Variants in ATG7 observed in about 807,000 individuals in gnomAD.
ATG7 encodes the protein ubiquitin-like modifier-activating enzyme ATG7.
ATG7 carries 70 observed loss-of-function variants against 82.4 expected under a neutral mutation model. The ratio of observed to expected loss-of-function variants is 0.85; its 90% CI spans 0.70 to 1.04. ATG7 has a LOEUF of 1.04. ATG7 is among the 50% of genes least tolerant of loss of function. ATG7 has a pLI of 0.00. For missense variants in ATG7, 792 were observed against 864.3 expected (o/e 0.92, Z 1.05); for synonymous variants, 287 against 313.0 (o/e 0.92, Z 0.88).
chr3:11,564,542 C>T, the ATG7 span, among the ~76,000 whole-genome samples: 1 of 152,204 alleles, frequency 6.6e-6, no homozygotes, highest in Non-Finnish European at 1.5e-5. Context: ...ATTCACCTTG[C>T]CCAAGGCCGT....
At chr3:11,485,895 A>G (rs183502625) in intron 20 of ATG7, among the ~76,000 whole-genome samples, 78,698 of 151,054 alleles carry the variant, frequency 0.52, 21,379 homozygotes, top group East Asian at 0.66. Context: ...TGTTCCATTG[A>G]TCTATATCTC....
chr3:11,319,347 C>T (rs1949890939), intron 9 of ATG7, among the ~76,000 whole-genome samples: 1 of 151,760 alleles, frequency 6.6e-6, no homozygotes, highest in Non-Finnish European at 1.5e-5. Flanking sequence ...AAATCCTGCA[C>T]TTGTGTTCTG....
chr3:11,410,909 C>G (rs1296940762), intron 19 of ATG7, among the ~76,000 whole-genome samples: 1 of 152,090 alleles, frequency 6.6e-6, no homozygotes, highest in Non-Finnish European at 1.5e-5. Flanking sequence ...GCTTTTAATT[C>G]TTTTGGGTGT....
chr3:11,495,992 C>T (rs1200920750), intron 20 of ATG7, among the ~76,000 whole-genome samples: 5 of 152,184 alleles, frequency 3.3e-5, no homozygotes, highest in African/African-American at 1.2e-4. Flanking sequence ...GCACTTTCCA[C>T]ATGGTAGCCC....
intron 20 of ATG7, among the ~76,000 whole-genome samples, chr3:11,509,998 T>C (rs2091964862): frequency 6.6e-6 from 1 of 152,200 alleles, no homozygotes; most frequent in South Asian, 2.1e-4. Context: ...GTTGATTTCT[T>C]TGAACCCAGA....
intron 11 of ATG7, among the ~76,000 whole-genome samples, chr3:11,333,316 T>G (rs948662727): frequency 4.6e-5 from 7 of 152,332 alleles, no homozygotes; most frequent in African/African-American, 1.2e-4. Flanking sequence ...TCTAGGCAGT[T>G]TTTTCAGTCT....
At chr3:11,449,418 C>T (rs1376542282) in intron 20 of ATG7, among the ~76,000 whole-genome samples, 2 of 152,046 alleles carry the variant, frequency 1.3e-5, no homozygotes, top group Non-Finnish European at 2.9e-5. Flanking sequence ...CTGTAAGGCC[C>T]CAGAGTCTTC....
intron 3 of ATG7, among the ~76,000 whole-genome samples, chr3:11,288,168 G>C (rs1944396459): frequency 6.6e-6 from 1 of 152,176 alleles, no homozygotes; most frequent in Non-Finnish European, 1.5e-5. Flanking sequence ...GTATTACGTG[G>C]CAAATAATCA....
intron 20 of ATG7, among the ~76,000 whole-genome samples, chr3:11,504,114 G>A (rs571294794): frequency 1.3e-5 from 2 of 152,282 alleles, no homozygotes; most frequent in South Asian, 4.1e-4. Context: ...GTTCATCATA[G>A]TGAATTTCAA....
chr3:11,452,384 CAAAAAAAAAAAAAAAA>C (rs34530409), intron 20 of ATG7, among the ~76,000 whole-genome samples: 3 of 58,420 alleles, frequency 5.1e-5, no homozygotes, highest in Non-Finnish European at 8.4e-5. Context: ...GAACCTGTCT[CAAAAAAAAAAAAAAAA>C]AAAAAAAAGG....
chr3:11,384,853 T>G (rs1162707021), intron 19 of ATG7, among the ~76,000 whole-genome samples: 1 of 151,846 alleles, frequency 6.6e-6, no homozygotes, highest in Non-Finnish European at 1.5e-5. Context: ...CCCAGCTACT[T>G]GGGGGGCTGA....
At chr3:11,553,624 G>A (rs994851434) in intron 20 of ATG7, among the ~76,000 whole-genome samples, 2 of 152,168 alleles carry the variant, frequency 1.3e-5, no homozygotes, top group African/African-American at 4.8e-5. Flanking sequence ...CCTGGTCACT[G>A]GACCGCAGAC....
intron 19 of ATG7, among the ~76,000 whole-genome samples, chr3:11,405,762 G>A (rs1193122461): frequency 6.6e-6 from 1 of 151,954 alleles, no homozygotes; most frequent in Non-Finnish European, 1.5e-5. Flanking sequence ...CAAGTAGCTG[G>A]GACTACAAAT....
intron 20 of ATG7, among the ~76,000 whole-genome samples, chr3:11,481,061 A>G (rs2088905765): frequency 1.3e-5 from 2 of 152,244 alleles, no homozygotes; most frequent in African/African-American, 4.8e-5. Flanking sequence ...TGTCTTATTT[A>G]TGTAATAGTT....
intron 8 of ATG7, among the ~76,000 whole-genome samples, chr3:11,314,737 C>T (rs1468772341): frequency 6.6e-6 from 1 of 151,780 alleles, no homozygotes; most frequent in Non-Finnish European, 1.5e-5. Context: ...GAGTTCAAGA[C>T]CAGCCTGGGC....
At chr3:11,462,126 G>C (rs1354442333) in intron 20 of ATG7, among the ~76,000 whole-genome samples, 1 of 152,032 alleles carries the variant, frequency 6.6e-6, no homozygotes, top group Non-Finnish European at 1.5e-5. Flanking sequence ...CGGCTCTCAA[G>C]GTTTCCATTT....
Position 11,348,338 on chromosome 3 carries a change from A to G in ATG7, c.1284+303A>G, listed in dbSNP as rs913326797. ...CTTCGCAGTGAGTGTTACAGCTCTT[A>G]AAGATGATGTGTCCAGAGTTTGTTC... On this transcript the variant is annotated intron_variant, in intron 14 of 20. Transcript: ENST00000693202. The G allele has an allele frequency of 2.4e-5, 7 of 287,716 alleles. No individual in the cohort carries two copies. The East Asian group carries it at 3.3e-4, about 14-fold the overall frequency. The allele number at this position is 287,716 out of a possible 1,614,324, so 17.8% of individuals were successfully genotyped here.
chr3:11,487,360 A>G (rs1223950358), intron 20 of ATG7, among the ~76,000 whole-genome samples: 1 of 44,032 alleles, frequency 2.3e-5, no homozygotes, highest in African/African-American at 8.0e-5. Context: ...CATACCTCCC[A>G]GACGGGGTGG....
chr3:11,287,596 G>A (rs189219814), intron 3 of ATG7, among the ~76,000 whole-genome samples: 5 of 152,370 alleles, frequency 3.3e-5, no homozygotes, highest in Admixed American at 1.3e-4. Flanking sequence ...GATGTAGAAT[G>A]CTGCTGATGC....
Sources: allele counts gnomAD v4.1 joint callset (sites outside exome capture counted in the v4.1 genomes callset), GRCh38; gene constraint gnomAD v4.1.1; transcripts MANE v1.5; gene names NCBI Gene and HGNC (gene_info 2026-07-23, HGNC 2026-07-21).